NUDT1: variants seen among roughly 807,000 people sequenced by gnomAD.
NUDT1 encodes oxidized purine nucleoside triphosphate hydrolase.
A neutral mutation model predicts 11.3 loss-of-function variants in NUDT1; 16 were observed. The ratio of observed to expected loss-of-function variants is 1.41; its 90% CI spans 0.96 to 2.15. NUDT1 has a LOEUF of 2.15. Ranked by LOEUF, NUDT1 falls within the 30% of genes most tolerant of loss-of-function variation. The pLI is 0.00. For missense variants in NUDT1, 234 were observed against 208.4 expected, an observed-to-expected ratio of 1.12 and a Z score of -0.76; for synonymous variants, 101 against 84.4, an observed-to-expected ratio of 1.20 and a Z score of -1.08.
In NUDT1 at chr7:2,244,859, T is replaced by C; in HGVS notation, c.152+133T>C. 11 of 1,025,774 alleles carry C rather than the reference T, an allele frequency of 1.1e-5. No homozygotes were observed. The South Asian group carries it at 1.5e-4, about 14-fold the overall frequency. The allele number at this position is 1,025,774 out of a possible 1,614,324, so 63.5% of individuals were successfully genotyped here. Reference sequence around the variant, plus strand: ...GCAGGGGGTTAAGCGTGAGCCTCAGTGTCTTCATCTCAGAATGAAGAACAG... The same window carrying C: ...GCAGGGGGTTAAGCGTGAGCCTCAGCGTCTTCATCTCAGAATGAAGAACAG... On this transcript the variant is annotated intron_variant, in intron 2 of 3. Transcript: ENST00000356714.
chr7:2,247,837 C>T (rs1483039275), intron 2 of NUDT1, among the ~76,000 whole-genome samples: 2 of 152,228 alleles, frequency 1.3e-5, no homozygotes, highest in East Asian at 1.9e-4. Context: ...TGGGAGGTGA[C>T]GCTTTTTAAG....
chr7:2,250,380 CG>C (rs1433137830), intron 3 of NUDT1, among the ~76,000 whole-genome samples: 1 of 152,164 alleles, frequency 6.6e-6, no homozygotes, highest in Non-Finnish European at 1.5e-5. Flanking sequence ...GCAGGAGGAT[CG>C]TTGAGCCCAG....
In NUDT1 at chr7:2,250,925, A is replaced by T. The variant is rs146088002; in HGVS notation, c.395A>T (p.Lys132Ile). 2,009 of 1,614,030 alleles carry T rather than the reference A, an allele frequency of 1.2e-3. 6 individuals carry two copies. Among genetic ancestry groups the T allele is most frequent in the Admixed American group, 1.7e-3 (103 of 60,012 alleles). ...YWFPLLLQKKKFHGYFKFQGQ... is the reference protein window; with the variant it reads ...YWFPLLLQKKIFHGYFKFQGQ... ...TTTCCACTCCTGCTTCAGAAGAAGAAATTCCACGGGTACTTCAAGTTCCAG... is the reference window on the plus strand; with the variant it reads ...TTTCCACTCCTGCTTCAGAAGAAGATATTCCACGGGTACTTCAAGTTCCAG... The change falls in exon 4 of 4, where the codon AAA becomes ATA. Residue 132 changes from lysine (K) to isoleucine (I), a missense_variant. Physicochemically the swap from Lys to Ile is moderately radical, Grantham distance 102. Coordinates refer to ENST00000356714, the MANE Select transcript of NUDT1 (RefSeq NM_002452.4).
rs376855111 is a variant in NUDT1 at position 2,246,021 on chromosome 7, C to T, written c.152+1295C>T. The stretch of plus-strand genomic sequence containing the variant: ...AGTGCGACAGGCTCTGTGCTGGGGG[C>T]CGCAGCTGGGGAGGAGGACCACTGG... On this transcript the variant is annotated intron_variant, in intron 2 of 3. Transcript: ENST00000356714. Among the ~76,000 whole-genome samples, 267 of 152,266 alleles carry T rather than the reference C, an allele frequency of 1.8e-3. 4 individuals carry two copies. Among genetic ancestry groups the T allele is most frequent in the African/African-American group, 6.1e-3 (252 of 41,570 alleles).
chr7:2,243,794 G>T (rs1463559417), intron 1 of NUDT1, among the ~76,000 whole-genome samples: 2 of 152,222 alleles, frequency 1.3e-5, no homozygotes, highest in African/African-American at 2.4e-5. Context: ...AGGAAAGTTG[G>T]TCCTGGCCCT....
chr7:2,243,854 C>T (rs1043722833), intron 1 of NUDT1, among the ~76,000 whole-genome samples: 2 of 152,142 alleles, frequency 1.3e-5, no homozygotes, highest in South Asian at 2.1e-4. Flanking sequence ...GCGGAGGCAT[C>T]GCCCTCAGAG....
In NUDT1 at chr7:2,244,565, C is replaced by T; in HGVS notation, c.-10C>T. The T allele has an allele frequency of 6.4e-7, 1 of 1,562,008 alleles. No individual in the cohort carries two copies. The highest frequency in any genetic ancestry group is 2.3e-5 in the East Asian group (1 of 44,184). On this transcript the variant is annotated splice_region_variant and 5_prime_UTR_variant, in exon 2 of 4. Coordinates refer to ENST00000356714, the MANE Select transcript of NUDT1 (RefSeq NM_002452.4). ...CTGCCCTCTCACCTTCCTTTCAGAA[C>T]CCAGGGACCATGGGCGCCTCCAGGC...
At position 2,251,034 on chromosome 7, in the gene NUDT1, G is replaced by T. The variant is rs756878176; in HGVS notation, c.*33G>T. ...CCAGGGCAGCCCCTGGGCAGGAGAC[G>T]TGGCTGCTGAACAGCCGCAAACCAT... On this transcript the variant is annotated 3_prime_UTR_variant, in exon 4 of 4. Coordinates refer to ENST00000356714, the MANE Select transcript of NUDT1 (RefSeq NM_002452.4). The T allele has an allele frequency of 3.7e-6, 6 of 1,611,444 alleles. No individual in the cohort carries two copies. The highest frequency in any genetic ancestry group is 4.5e-5 in the East Asian group (2 of 44,868).
chr7:2,244,485 T>C (rs2115053216), intron 1 of NUDT1, 78 bp from the exon 2 acceptor site: 1 of 943,252 alleles, frequency 1.1e-6, no homozygotes, highest in South Asian at 1.7e-5. Context: ...CCAGAGCACG[T>C]CCCCTTCCTC....
chr7:2,250,744 C>T (rs1794982339), intron 3 of NUDT1, 85 bp from the exon 4 acceptor site: 25 of 1,468,932 alleles, frequency 1.7e-5, no homozygotes, highest in Non-Finnish European at 2.4e-5. Flanking sequence ...AGGCGTGAGC[C>T]ACCGCGCCCG....
Position 2,244,416 on chromosome 7 carries a change from G to C in NUDT1, c.-12-147G>C, listed in dbSNP as rs1584635892. On this transcript the variant is annotated intron_variant, in intron 1 of 3. Coordinates refer to ENST00000356714, the MANE Select transcript of NUDT1 (RefSeq NM_002452.4). ...TGGCAGTTTTCCACCTGCCACAAGG[G>C]AAGCCACACGTGGCAGGGCTGGGGA... 1.5e-5 allele frequency: 11 copies of C among 752,520 alleles called. No individual in the cohort carries two copies. The East Asian group carries it at 3.0e-4, about 21-fold the overall frequency. 46.6% of individuals were successfully genotyped at this position (752,520 alleles called of 1,614,324 possible).
Position 2,250,171 on chromosome 7 carries a change from G to A in NUDT1, c.298+169G>A, listed in dbSNP as rs34434066. On this transcript the variant is annotated intron_variant, in intron 3 of 3. Coordinates refer to ENST00000356714, the MANE Select transcript of NUDT1 (RefSeq NM_002452.4). ...GCCCATGAGCCGTGGTCTCTGCACC[G>A]AGGCTCCAGTAGCGTACCTGCCCCT... Among the ~76,000 whole-genome samples the A allele has an allele frequency of 3.0e-3, 461 of 152,342 alleles. 5 individuals carry two copies. The highest frequency in any genetic ancestry group is 0.011 in the African/African-American group (439 of 41,584).
rs1794830398 is a variant in NUDT1, at chr7:2,247,843, T to C, written c.153-2014T>C. Among the ~76,000 whole-genome samples the C allele has an allele frequency of 2.0e-5, 3 of 152,250 alleles. No homozygotes were observed. The South Asian group carries it at 6.2e-4, about 31-fold the overall frequency. ...ATATCCCACTGGGAGGTGACGCTTT[T>C]TAAGACGAGCAACAGCCGGCCGCCA... is the stretch of plus-strand genomic sequence containing the variant. On this transcript the variant is annotated intron_variant, in intron 2 of 3. Coordinates refer to ENST00000356714, the MANE Select transcript of NUDT1 (RefSeq NM_002452.4).
At chr7:2,243,335 G>A (rs1384507171) in intron 1 of NUDT1, among the ~76,000 whole-genome samples, 1 of 152,198 alleles carries the variant, frequency 6.6e-6, no homozygotes, top group Non-Finnish European at 1.5e-5. Flanking sequence ...TGGGTGTGGA[G>A]CCCTGGCCAG....
At position 2,242,278 on chromosome 7, in the gene NUDT1, A is replaced by G. The variant is rs903970418; in HGVS notation, c.-13+22A>G. On this transcript the variant is annotated intron_variant, in intron 1 of 3. Coordinates refer to ENST00000356714, the MANE Select transcript of NUDT1 (RefSeq NM_002452.4). ...GCAGGTACGAAAAGCGCGCGCGGGG[A>G]TTCCAGGAGTCGTGGTGACCAGGGA... 41 of 1,124,996 alleles carry G rather than the reference A, an allele frequency of 3.6e-5. No homozygotes were observed. In the Admixed American group the frequency reaches 4.3e-4, roughly 12 times the overall value. The allele number at this position is 1,124,996 out of a possible 1,614,324, so 69.7% of individuals were successfully genotyped here. A position where few individuals can be genotyped will look rare whatever the true frequency, so the allele number is the denominator to read the frequency against.
chr7:2,242,564 G>GGGCCT, intron 1 of NUDT1: 1 of 344,728 alleles, frequency 2.9e-6, no homozygotes, highest in Non-Finnish European at 5.3e-6. Flanking sequence ...CAAAGTACAC[G>GGGCCT]GGCCTGGTGT....
chr7:2,250,740 G>A (rs540465382), intron 3 of NUDT1, 89 bp from the exon 4 acceptor site: 4 of 1,401,804 alleles, frequency 2.9e-6, no homozygotes, highest in Middle Eastern at 2.0e-4. Context: ...TTACAGGCGT[G>A]AGCCACCGCG....
intron 1 of NUDT1, chr7:2,243,036 T>C (rs1047075925): frequency 4.2e-6 from 3 of 716,970 alleles, no homozygotes; most frequent in Admixed American, 4.0e-5. Flanking sequence ...CAGAAGGCAG[T>C]TGGAGTGGGA....
chr7:2,244,839 G>T (rs1442870123), intron 2 of NUDT1, 113 bp downstream of exon 2: 2 of 1,308,014 alleles, frequency 1.5e-6, no homozygotes, highest in African/African-American at 1.5e-5. Context: ...CTGGAGCAGG[G>T]GGTTAAGCGT....
Sources: gnomAD v4.1 joint callset for allele counts (sites outside exome capture counted in the v4.1 genomes callset) on GRCh38, gnomAD v4.1.1 for gene constraint, MANE v1.5 for transcripts, NCBI Gene and HGNC (gene_info 2026-07-23, HGNC 2026-07-21) for gene names.